ZNF638: variants seen among roughly 807,000 people sequenced by gnomAD.
ZNF638 encodes the protein CTCL tumor antigen se33-1.
Under a neutral mutation model 195.6 loss-of-function variants are expected in ZNF638, and 46 were observed. The observed-to-expected ratio is 0.24, with a 90% CI of 0.19 to 0.30. The LOEUF (loss-of-function observed/expected upper bound fraction) is 0.30. ZNF638 is among the 10% of genes least tolerant of loss of function. The pLI is 1.00. For missense variants in ZNF638, 2,440 were observed against 2,325.3 expected (o/e 1.05, Z -1.01); for synonymous variants, 845 against 772.0 (o/e 1.09, Z -1.57).
chr2:71,400,879 G>A (rs1573122718), intron 15 of ZNF638, among the ~76,000 whole-genome samples: 1 of 152,300 alleles, frequency 6.6e-6, no homozygotes, highest in East Asian at 1.9e-4. Context: ...TGGGAGATAT[G>A]TTAATGGTTA....
At chr2:71,379,191 G>A (rs1378122071) in intron 8 of ZNF638, among the ~76,000 whole-genome samples, 1 of 152,186 alleles carries the variant, frequency 6.6e-6, no homozygotes, top group Non-Finnish European at 1.5e-5. Flanking sequence ...CATTTGAGAT[G>A]TCACAGTGCT....
At chr2:71,356,526 A>G (rs1212700658) in intron 3 of ZNF638, among the ~76,000 whole-genome samples, 1 of 152,200 alleles carries the variant, frequency 6.6e-6, no homozygotes, top group African/African-American at 2.4e-5. Flanking sequence ...TTGCTGGCTC[A>G]TGACTGTAAT....
chr2:71,373,082 G>A (rs2079344664), intron 8 of ZNF638, among the ~76,000 whole-genome samples: 2 of 152,140 alleles, frequency 1.3e-5, no homozygotes, highest in Admixed American at 6.5e-5. Context: ...ATATAAGATT[G>A]CTCACTAAAT....
chr2:71,342,415 C>G (rs1030700496), intron 1 of ZNF638, among the ~76,000 whole-genome samples: 11 of 152,116 alleles, frequency 7.2e-5, no homozygotes, highest in Admixed American at 4.6e-4. Flanking sequence ...CACATGTTCA[C>G]TCTTTCCCTC....
chr2:71,384,552 C>T (rs894393016), intron 10 of ZNF638, among the ~76,000 whole-genome samples: 4 of 152,164 alleles, frequency 2.6e-5, no homozygotes, highest in Non-Finnish European at 5.9e-5. Context: ...CATTTAACTT[C>T]AGTAAGCACT....
chr2:71,358,178 T>A (rs939432475), intron 3 of ZNF638, among the ~76,000 whole-genome samples: 5 of 152,214 alleles, frequency 3.3e-5, no homozygotes, highest in Non-Finnish European at 7.4e-5. Flanking sequence ...CCCTATGCCC[T>A]GCTATTAGAA....
chr2:71,405,442 A>G (rs1451456230), intron 17 of ZNF638, among the ~76,000 whole-genome samples, 159 bp from the exon 18 acceptor site: 1 of 152,030 alleles, frequency 6.6e-6, no homozygotes, highest in East Asian at 1.9e-4. Context: ...TAGGAGAGAA[A>G]GATTTTTGGA....
At chr2:71,393,904 CTG>C (rs1208502956) in intron 10 of ZNF638, among the ~76,000 whole-genome samples, 1 of 152,170 alleles carries the variant, frequency 6.6e-6, no homozygotes, top group Non-Finnish European at 1.5e-5. Context: ...TATCTTCCCA[CTG>C]TGTGTAAGGT....
chr2:71,335,374 A>C (rs555956721), intron 1 of ZNF638, among the ~76,000 whole-genome samples: 4 of 152,304 alleles, frequency 2.6e-5, no homozygotes, highest in Admixed American at 2.6e-4. Context: ...AGGAACATAT[A>C]TTTTGGATTA....
In ZNF638 at chr2:71,404,667, T is replaced by C. The variant is rs139708452; in HGVS notation, c.2958+669T>C. Among the ~76,000 whole-genome samples, 686 of 152,290 alleles carry C rather than the reference T, an allele frequency of 4.5e-3. 3 individuals are homozygous for C. The highest frequency in any genetic ancestry group is 6.8e-3 in the Non-Finnish European group (460 of 68,026). ...AGGAGTTTGAGGCTGCACTGAGCTG[T>C]GATTTTACCACTGAACTTCAGCCTG... On this transcript the variant is annotated intron_variant, in intron 17 of 27. Transcript: ENST00000264447.
At chr2:71,427,864 C>G (rs1339236895) in intron 24 of ZNF638, among the ~76,000 whole-genome samples, 1 of 152,094 alleles carries the variant, frequency 6.6e-6, no homozygotes, top group Non-Finnish European at 1.5e-5. Flanking sequence ...AGCTCACTTT[C>G]CGAACTTGAG....
At chr2:71,421,400 T>G (rs1452127325) in intron 21 of ZNF638, among the ~76,000 whole-genome samples, 1 of 152,152 alleles carries the variant, frequency 6.6e-6, no homozygotes, top group African/African-American at 2.4e-5. Flanking sequence ...AAGAATAACT[T>G]GCACAATGGA....
Position 71,423,851 on chromosome 2 carries a change from G to C in ZNF638, c.4337G>C (p.Arg1446Thr), listed in dbSNP as rs139893661. ...EFGLLKPTSA[R>T]SGLAESSSKF... Reference sequence around the variant, plus strand: ...GGTCTGCTTAAACCCACAAGTGCCAGGTCAGGCTTGGCAGAAAGCAGCAGT... The same window carrying C: ...GGTCTGCTTAAACCCACAAGTGCCACGTCAGGCTTGGCAGAAAGCAGCAGT... The change falls in exon 22 of 28, where the codon AGG becomes ACG. Residue 1446 changes from arginine (R) to threonine (T), a missense_variant. Physicochemically the swap from Arg to Thr is moderately conservative, Grantham distance 71. Around this residue, in one of 5 missense-constraint regions of ZNF638, gnomAD observed 1,883 missense variants for 1,739.1 expected, o/e 1.08. Transcript: ENST00000264447. 1 of 1,614,152 alleles carries C rather than the reference G, an allele frequency of 6.2e-7. No individual in the cohort carries two copies. The highest frequency in any genetic ancestry group is 1.7e-5 in the Admixed American group (1 of 60,032).
intron 15 of ZNF638, among the ~76,000 whole-genome samples, chr2:71,401,658 G>T (rs528371602): frequency 9.9e-5 from 15 of 151,584 alleles, no homozygotes; most frequent in Non-Finnish European, 8.8e-5. Flanking sequence ...CTGCACTCCA[G>T]CCTGGGCAAC....
At chr2:71,385,914 G>A (rs571053604) in intron 10 of ZNF638, among the ~76,000 whole-genome samples, 1 of 151,746 alleles carries the variant, frequency 6.6e-6, no homozygotes, top group Non-Finnish European at 1.5e-5. Context: ...TTAACATATA[G>A]TGTCTGCGAG....
chr2:71,388,683 A>T (rs762315928), intron 10 of ZNF638: 1 of 1,130,474 alleles, frequency 8.8e-7, no homozygotes, highest in African/African-American at 1.5e-5. Context: ...AGGGATCACG[A>T]CGGAACCCCC....
At chr2:71,393,277 C>G (rs2079822496) in intron 10 of ZNF638, 1 of 615,222 alleles carries the variant, frequency 1.6e-6, no homozygotes, top group South Asian at 2.0e-5. Context: ...TTGCTAAAAC[C>G]TCTCAAGACA....
rs145069528 is a variant in ZNF638, at chr2:71,338,519, T to C, written c.-203+6644T>C. Reference sequence around the variant, plus strand: ...ACATTTACTTACTTGCTCAAACTTATGATGTATCTAAAGTAGTTTCAGAAT... The same window carrying C: ...ACATTTACTTACTTGCTCAAACTTACGATGTATCTAAAGTAGTTTCAGAAT... On this transcript the variant is annotated intron_variant, in intron 1 of 27. Coordinates refer to ENST00000264447, the MANE Select transcript of ZNF638 (RefSeq NM_014497.5). 2.6e-3 allele frequency among the ~76,000 whole-genome samples: 394 copies of C among 152,338 alleles called. 1 individual carries two copies. The highest frequency in any genetic ancestry group is 2.6e-3 in the African/African-American group (107 of 41,588).
intron 11 of ZNF638, 54 bp from the exon 12 acceptor site, chr2:71,398,647 G>A: frequency 2.2e-6 from 3 of 1,344,480 alleles, no homozygotes; most frequent in African/African-American, 1.4e-5. Context: ...GTTCTTTGGA[G>A]ATTGTTGATA....
Sources: allele counts gnomAD v4.1 joint callset (sites outside exome capture counted in the v4.1 genomes callset), GRCh38; gene constraint gnomAD v4.1.1; regional missense constraint gnomAD v4.1.1; transcripts MANE v1.5; gene names NCBI Gene and HGNC (gene_info 2026-07-23, HGNC 2026-07-21).